Variants in PARD3B observed in about 807,000 individuals in gnomAD.
The protein encoded by PARD3B is partitioning defective 3 homolog B.
A neutral mutation model predicts 130.2 loss-of-function variants in PARD3B; 103 were observed. The ratio of observed to expected loss-of-function variants is 0.79; its 90% confidence interval spans 0.67 to 0.93. PARD3B has a LOEUF of 0.93. Among genes scored for constraint, PARD3B ranks in the 40% least tolerant of loss-of-function variants. The pLI, the probability that PARD3B is intolerant of heterozygous loss-of-function variation, is 0.00. For synonymous variants in PARD3B, 583 were observed against 553.2 expected (o/e 1.05, Z -0.76); for missense variants, 1,609 against 1,499.2 (o/e 1.07, Z -1.21).
chr2:205,570,660 C>G (rs756806732), intron 22 of PARD3B, among the ~76,000 whole-genome samples: 1 of 152,184 alleles, frequency 6.6e-6, no homozygotes. Flanking sequence ...TGGCATCAAA[C>G]TCATCCTCCT....
chr2:204,988,522 T>C (rs2125233362), intron 3 of PARD3B, among the ~76,000 whole-genome samples: 1 of 152,310 alleles, frequency 6.6e-6, no homozygotes. Flanking sequence ...GATAAATACT[T>C]GAGGGGGTGG....
intron 18 of PARD3B, among the ~76,000 whole-genome samples, chr2:205,389,276 T>C (rs1284256706): frequency 1.3e-5 from 2 of 152,152 alleles, no homozygotes; most frequent in African/African-American, 4.8e-5. Flanking sequence ...ACAAACTAAG[T>C]TAGGGCTCAT....
At chr2:205,107,088 T>C (rs1000938363) in intron 5 of PARD3B, among the ~76,000 whole-genome samples, 7 of 152,224 alleles carry the variant, frequency 4.6e-5, no homozygotes, top group Non-Finnish European at 7.3e-5. Flanking sequence ...GTAAATTATT[T>C]GTAGTCTATC....
intron 2 of PARD3B, among the ~76,000 whole-genome samples, chr2:204,750,553 T>C (rs1375894349): frequency 6.6e-6 from 1 of 152,168 alleles, no homozygotes; most frequent in East Asian, 1.9e-4. Flanking sequence ...ACCACTGCAC[T>C]TCAGCCTTGG....
chr2:204,652,477 C>T (rs1205246773), intron 1 of PARD3B, among the ~76,000 whole-genome samples: 6 of 152,182 alleles, frequency 3.9e-5, no homozygotes, highest in African/African-American at 7.2e-5. Flanking sequence ...ACCACCTCAG[C>T]CTGGACTTCA....
intron 13 of PARD3B, among the ~76,000 whole-genome samples, chr2:205,178,004 C>G (rs1290621637): frequency 6.6e-6 from 1 of 151,788 alleles, no homozygotes; most frequent in East Asian, 1.9e-4. Context: ...ACTGAGAATG[C>G]CCATTAGAAG....
At chr2:205,077,421 G>T (rs942412779) in intron 4 of PARD3B, among the ~76,000 whole-genome samples, 1 of 152,116 alleles carries the variant, frequency 6.6e-6, no homozygotes, top group African/African-American at 2.4e-5. Flanking sequence ...CTTGGGTCTA[G>T]AATAAAAGAT....
chr2:205,221,423 C>T (rs1324243198), intron 15 of PARD3B, among the ~76,000 whole-genome samples: 3 of 152,150 alleles, frequency 2.0e-5, no homozygotes, highest in Admixed American at 2.0e-4. Context: ...TGACTGCACA[C>T]AGTTGATGAG....
At chr2:205,179,413 C>T (rs1468871438) in intron 13 of PARD3B, among the ~76,000 whole-genome samples, 1 of 152,156 alleles carries the variant, frequency 6.6e-6, no homozygotes, top group South Asian at 2.1e-4. Flanking sequence ...CTCACTGACT[C>T]ACCCAGAGCA....
chr2:204,820,501 A>G (rs1033025090), intron 2 of PARD3B, among the ~76,000 whole-genome samples: 1 of 151,748 alleles, frequency 6.6e-6, no homozygotes, highest in Non-Finnish European at 1.5e-5. Context: ...CTTGTTAGGG[A>G]TTAATGCAGC....
chr2:205,307,856 A>C, intron 18 of PARD3B, among the ~76,000 whole-genome samples: 1 of 152,170 alleles, frequency 6.6e-6, no homozygotes, highest in East Asian at 1.9e-4. Flanking sequence ...CTCACTTCAA[A>C]AACCTTTGAA....
At chr2:204,554,990 C>T (rs1424081233) in intron 1 of PARD3B, among the ~76,000 whole-genome samples, 1 of 152,210 alleles carries the variant, frequency 6.6e-6, no homozygotes, top group Non-Finnish European at 1.5e-5. Context: ...TGAACACCTG[C>T]TCTTTTTCTG....
At chr2:204,911,059 A>G (rs2047217755) in intron 2 of PARD3B, among the ~76,000 whole-genome samples, 1 of 152,222 alleles carries the variant, frequency 6.6e-6, no homozygotes, top group Non-Finnish European at 1.5e-5. Context: ...CTCATAAATT[A>G]CCACTTTATT....
chr2:204,876,390 T>C (rs1000507279), intron 2 of PARD3B, among the ~76,000 whole-genome samples: 8 of 152,162 alleles, frequency 5.3e-5, no homozygotes, highest in Non-Finnish European at 1.5e-5. Context: ...GCAAATCAAA[T>C]TTTTCCACTG....
chr2:204,670,798 T>C (rs77702454), intron 1 of PARD3B, among the ~76,000 whole-genome samples: 1,639 of 152,290 alleles, frequency 0.011, 19 homozygotes, highest in Non-Finnish European at 0.015. Flanking sequence ...GTGCAAACTT[T>C]TGGTTTTACT....
intron 19 of PARD3B, among the ~76,000 whole-genome samples, chr2:205,433,488 C>T (rs990834626): frequency 2.1e-5 from 3 of 143,280 alleles, no homozygotes; most frequent in Non-Finnish European, 3.0e-5. Flanking sequence ...GCTGAGATCA[C>T]GCCACTGCAC....
In PARD3B at chr2:205,091,447, G is replaced by A. The variant is rs1471101884; in HGVS notation, c.505-12979G>A. Among the ~76,000 whole-genome samples, 3 of 152,054 alleles carry A rather than the reference G, an allele frequency of 2.0e-5. No homozygotes were observed. ...CTTCTCGGGGAAATAGATGAGGAGGGTGGCCATTAGAATATCCTCCCCACA... is the reference window on the plus strand; with the variant it reads ...CTTCTCGGGGAAATAGATGAGGAGGATGGCCATTAGAATATCCTCCCCACA... On this transcript the variant is annotated intron_variant, in intron 4 of 22. Transcript: ENST00000406610. The surrounding 1 kb of genome is among the most constrained non-coding windows in gnomAD (Gnocchi z 4.2).
At chr2:204,566,786 C>A (rs1357420846) in intron 1 of PARD3B, among the ~76,000 whole-genome samples, 1 of 151,766 alleles carries the variant, frequency 6.6e-6, no homozygotes, top group Non-Finnish European at 1.5e-5. Flanking sequence ...TTCCATGGAT[C>A]AGAGGCCTCT....
chr2:204,765,240 T>C (rs887672072), intron 2 of PARD3B, among the ~76,000 whole-genome samples: 1 of 152,186 alleles, frequency 6.6e-6, no homozygotes, highest in Non-Finnish European at 1.5e-5. Context: ...CCTGAGAGGT[T>C]GTTTGAAAAA....
Sources: gnomAD v4.1 joint callset for allele counts (sites outside exome capture counted in the v4.1 genomes callset) on GRCh38, gnomAD v4.1.1 for gene constraint, Gnocchi (gnomAD v3.1) non-coding constraint, MANE v1.5 for transcripts, NCBI Gene and HGNC (gene_info 2026-07-23, HGNC 2026-07-21) for gene names.